Variants in CARMIL1 observed in about 807,000 individuals in gnomAD.
The protein encoded by CARMIL1 is F-actin-uncapping protein LRRC16A.
In CARMIL1, 90 loss-of-function variants were observed where a neutral mutation model predicts 177.1. The ratio of observed to expected loss-of-function variants is 0.51; its 90% CI spans 0.43 to 0.61. The LOEUF (loss-of-function observed/expected upper bound fraction) is 0.61, where lower values mean the gene tolerates loss of function less well. Ranked by LOEUF, CARMIL1 falls within the 20% of genes least tolerant of loss-of-function variation. CARMIL1 has a pLI of 0.00. For synonymous variants in CARMIL1, 577 were observed against 606.2 expected (o/e 0.95, Z 0.71); for missense variants, 1,380 against 1,667.0 (o/e 0.83, Z 3.00).
At chr6:25,487,280 A>T (rs553669092) in intron 12 of CARMIL1, among the ~76,000 whole-genome samples, 1 of 152,168 alleles carries the variant, frequency 6.6e-6, no homozygotes, top group Non-Finnish European at 1.5e-5. Context: ...TAGTACCTTC[A>T]TCGGATCCTG....
At chr6:25,450,097 G>A in intron 6 of CARMIL1, 102 bp downstream of exon 6, 2 of 996,252 alleles carry the variant, frequency 2.0e-6, no homozygotes, top group South Asian at 3.3e-5. Flanking sequence ...GGTGCAATTA[G>A]TTTCAAGGTG....
intron 23 of CARMIL1, among the ~76,000 whole-genome samples, chr6:25,523,416 G>A (rs1421633944): frequency 6.6e-6 from 1 of 152,078 alleles, no homozygotes; most frequent in Non-Finnish European, 1.5e-5. Flanking sequence ...TGATGCAGTA[G>A]GTTCTAGTAT....
At chr6:25,422,262 T>C (rs951360849) in intron 3 of CARMIL1, among the ~76,000 whole-genome samples, 7 of 152,190 alleles carry the variant, frequency 4.6e-5, no homozygotes, top group African/African-American at 1.7e-4. Context: ...ATTTGCTCAT[T>C]AGTCCTTTCT....
intron 4 of CARMIL1, among the ~76,000 whole-genome samples, chr6:25,431,814 T>C (rs1411628122): frequency 6.6e-6 from 1 of 152,140 alleles, no homozygotes; most frequent in Non-Finnish European, 1.5e-5. Context: ...TCTCAGCCCC[T>C]GTCAGTGTCA....
intron 17 of CARMIL1, among the ~76,000 whole-genome samples, chr6:25,508,180 A>G (rs2151041282): frequency 6.6e-6 from 1 of 152,278 alleles, no homozygotes; most frequent in South Asian, 2.1e-4. Context: ...GATAGGCTCG[A>G]TGGGGCATTT....
intron 4 of CARMIL1, among the ~76,000 whole-genome samples, chr6:25,434,155 G>A (rs1486234560): frequency 6.6e-6 from 1 of 152,142 alleles, no homozygotes; most frequent in Non-Finnish European, 1.5e-5. Flanking sequence ...TCCTGCCTCA[G>A]CCTCCTGAGT....
intron 3 of CARMIL1, among the ~76,000 whole-genome samples, chr6:25,424,996 A>G (rs1275506637): frequency 6.6e-6 from 1 of 152,210 alleles, no homozygotes; most frequent in Non-Finnish European, 1.5e-5. Context: ...AAATTAAAAT[A>G]ATGAAGGAAG....
In CARMIL1 at chr6:25,326,814, A is replaced by ATAT. The variant is rs200770413; in HGVS notation, c.138+41920_138+41922dup. ...GCTGAGGAAAAAGGAGAAATCAGAA[A>ATAT]TATTATTATTATTATTAATGTTTCA... On this transcript the variant is annotated intron_variant, in intron 2 of 36. Transcript: ENST00000329474. This position sits in a 1 kb window ranked among gnomAD's most constrained non-coding sequence, Gnocchi z 4.2. Among the ~76,000 whole-genome samples, 2 of 151,890 alleles carry ATAT rather than the reference A, an allele frequency of 1.3e-5. No individual in the cohort carries two copies. The highest frequency in any genetic ancestry group is 2.9e-5 in the Non-Finnish European group (2 of 67,982).
At chr6:25,319,569 T>G (rs1784528971) in intron 2 of CARMIL1, among the ~76,000 whole-genome samples, 1 of 152,048 alleles carries the variant, frequency 6.6e-6, no homozygotes, top group Admixed American at 6.6e-5. Context: ...TATATGTTTT[T>G]TAGTCTAACT....
At chr6:25,348,806 A>G (rs376278275) in intron 2 of CARMIL1, among the ~76,000 whole-genome samples, 22 of 152,124 alleles carry the variant, frequency 1.4e-4, no homozygotes, top group African/African-American at 5.1e-4. Context: ...AAAAATAAAA[A>G]AATGAAAACA....
intron 31 of CARMIL1, among the ~76,000 whole-genome samples, chr6:25,583,770 C>T (rs1476128204): frequency 6.6e-6 from 1 of 151,926 alleles, no homozygotes; most frequent in African/African-American, 2.4e-5. Context: ...ATATACTTAC[C>T]TTTCTCTTTT....
intron 2 of CARMIL1, among the ~76,000 whole-genome samples, chr6:25,319,581 C>A (rs1474896318): frequency 6.6e-6 from 1 of 151,936 alleles, no homozygotes; most frequent in East Asian, 1.9e-4. Context: ...AGTCTAACTG[C>A]CCTAATCTAA....
chr6:25,588,950 A>G (rs1354623208), intron 31 of CARMIL1, among the ~76,000 whole-genome samples: 1 of 152,244 alleles, frequency 6.6e-6, no homozygotes, highest in East Asian at 1.9e-4. Flanking sequence ...TATTCTCGGC[A>G]TAGGGCATAG....
chr6:25,489,268 ATT>A (rs1802967920), intron 13 of CARMIL1, among the ~76,000 whole-genome samples: 2 of 152,130 alleles, frequency 1.3e-5, no homozygotes, highest in African/African-American at 4.8e-5. Flanking sequence ...CATTATTATT[ATT>A]GTTACTGGGA....
intron 2 of CARMIL1, among the ~76,000 whole-genome samples, chr6:25,320,858 A>G (rs55967593): frequency 0.28 from 42,289 of 152,208 alleles, 6,355 homozygotes; most frequent in East Asian, 0.4. Flanking sequence ...ATCTTGGGCT[A>G]CACGTAAAAT....
At chr6:25,329,743 A>G (rs1785436111) in intron 2 of CARMIL1, among the ~76,000 whole-genome samples, 1 of 152,204 alleles carries the variant, frequency 6.6e-6, no homozygotes, top group African/African-American at 2.4e-5. Flanking sequence ...TTTTTCAAAG[A>G]TACTCAAAGT....
chr6:25,425,550 A>C (rs1356074137), intron 3 of CARMIL1, among the ~76,000 whole-genome samples: 1 of 152,132 alleles, frequency 6.6e-6, no homozygotes, highest in East Asian at 1.9e-4. Flanking sequence ...AGGGTAAAAA[A>C]ATTGATCCAA....
chr6:25,298,272 A>G (rs912373355), intron 2 of CARMIL1, among the ~76,000 whole-genome samples: 6 of 152,226 alleles, frequency 3.9e-5, no homozygotes, highest in Non-Finnish European at 8.8e-5. Context: ...TTATTCAGAT[A>G]TATTTTATAT....
intron 2 of CARMIL1, among the ~76,000 whole-genome samples, chr6:25,318,748 G>A (rs565994054): frequency 4.6e-4 from 70 of 152,258 alleles, no homozygotes; most frequent in Non-Finnish European, 8.1e-4. Context: ...GATGCTCCTG[G>A]GAGTTGCATT....
Sources: gnomAD v4.1 joint callset for allele counts (sites outside exome capture counted in the v4.1 genomes callset) on GRCh38, gnomAD v4.1.1 for gene constraint, Gnocchi (gnomAD v3.1) non-coding constraint, MANE v1.5 for transcripts, NCBI Gene and HGNC (gene_info 2026-07-23, HGNC 2026-07-21) for gene names.